The following RPA3 variants were observed in gnomAD, a reference collection of about 807,000 sequenced individuals.
RPA3 encodes replication protein A3.
RPA3 carries 24 observed loss-of-function variants against 13.7 expected under a neutral mutation model. That is an observed-to-expected ratio of 1.75 (90% CI 1.27 to 2.46). RPA3 has a LOEUF of 2.46. Among genes scored for constraint, RPA3 ranks in the 30% most tolerant of loss-of-function variants. The pLI is 0.00. For missense variants in RPA3, 183 were observed against 151.0 expected, an observed-to-expected ratio of 1.21 and a Z score of -1.11; for synonymous variants, 59 against 51.2, an observed-to-expected ratio of 1.15 and a Z score of -0.65.
chr7:7,643,200 G>C (rs1371980339), intron 4 of RPA3, among the ~76,000 whole-genome samples: 1 of 152,124 alleles, frequency 6.6e-6, no homozygotes, highest in African/African-American at 2.4e-5. Context: ...ATTGAATGTA[G>C]ACCCGAGGGA....
intron 2 of RPA3, among the ~76,000 whole-genome samples, chr7:7,711,609 G>T (rs549219616): frequency 3.4e-4 from 52 of 152,114 alleles, no homozygotes; most frequent in Non-Finnish European, 5.7e-4. Flanking sequence ...AATGGAATTG[G>T]ACATTTTTAT....
intron 4 of RPA3, among the ~76,000 whole-genome samples, chr7:7,655,320 T>G (rs1785315860): frequency 6.6e-6 from 1 of 152,216 alleles, no homozygotes; most frequent in Admixed American, 6.5e-5. Flanking sequence ...TCCACGTGTC[T>G]CATTTGGAAA....
intron 2 of RPA3, among the ~76,000 whole-genome samples, chr7:7,713,567 T>A (rs1317601637): frequency 6.6e-6 from 1 of 152,114 alleles, no homozygotes; most frequent in African/African-American, 2.4e-5. Flanking sequence ...TCTTTTGCAT[T>A]TTATTTTCTG....
In RPA3 at chr7:7,640,483, G is replaced by T. The variant is rs939464602; in HGVS notation, c.-65C>A. ...ACGACTGAAACTGTGCGCCCCGCGG[G>T]TGTCTATGGGGCAGATTTCTCGGCA... On this transcript the variant is annotated 5_prime_UTR_variant, in exon 5 of 8. Transcript: ENST00000223129. 7.5e-6 allele frequency: 11 copies of T among 1,464,432 alleles called. No individual in the cohort carries two copies. Among genetic ancestry groups the T allele is most frequent in the Non-Finnish European group, 9.5e-6 (10 of 1,048,096 alleles). The allele number at this position is 1,464,432 out of a possible 1,614,324, so 90.7% of individuals were successfully genotyped here. A position where few individuals can be genotyped will look rare whatever the true frequency, so the allele number is the denominator to read the frequency against.
At chr7:7,656,823 T>C (rs1785355283) in intron 4 of RPA3, among the ~76,000 whole-genome samples, 2 of 152,234 alleles carry the variant, frequency 1.3e-5, no homozygotes, top group African/African-American at 4.8e-5. Context: ...CCTTTGGGTA[T>C]ATACCCAGTA....
chr7:7,673,373 T>C (rs769931112), intron 4 of RPA3: 39 of 1,147,466 alleles, frequency 3.4e-5, no homozygotes, highest in Non-Finnish European at 3.4e-5. Context: ...GCAGCAGCAA[T>C]GTTTCACTTC....
intron 4 of RPA3, among the ~76,000 whole-genome samples, chr7:7,672,641 G>A (rs1420641637): frequency 6.6e-6 from 1 of 152,112 alleles, no homozygotes; most frequent in African/African-American, 2.4e-5. Context: ...TTTATAAGGG[G>A]CTTGGCACTC....
At chr7:7,715,274 C>A (rs1316336326) in intron 1 of RPA3, 48 bp from the exon 2 acceptor site, 1 of 152,074 alleles carries the variant, frequency 6.6e-6, no homozygotes, top group Non-Finnish European at 1.5e-5. Flanking sequence ...AAAGTTTTCA[C>A]CAGATTTATG....
chr7:7,653,359 G>T (rs1785270252), intron 4 of RPA3, among the ~76,000 whole-genome samples: 1 of 152,162 alleles, frequency 6.6e-6, no homozygotes, highest in Non-Finnish European at 1.5e-5. Flanking sequence ...GTCAGTGATT[G>T]AGATCCAAAT....
chr7:7,641,675 G>C (rs1253434711), intron 4 of RPA3: 2 of 152,170 alleles, frequency 1.3e-5, no homozygotes, highest in Non-Finnish European at 2.9e-5. Context: ...GAGTATTCTA[G>C]AATGAGTGCA....
At chr7:7,694,787 T>C (rs1319880159) in intron 2 of RPA3, among the ~76,000 whole-genome samples, 4 of 152,222 alleles carry the variant, frequency 2.6e-5, no homozygotes, top group African/African-American at 9.6e-5. Flanking sequence ...CATTCATCTT[T>C]TGATAGATAC....
At chr7:7,706,809 A>G (rs1780613082) in intron 2 of RPA3, among the ~76,000 whole-genome samples, 1 of 152,152 alleles carries the variant, frequency 6.6e-6, no homozygotes, top group Non-Finnish European at 1.5e-5. Flanking sequence ...CGTATGTTCT[A>G]CATCCTATCT....
chr7:7,667,908 TA>T (rs965338255), intron 4 of RPA3, among the ~76,000 whole-genome samples: 107 of 152,290 alleles, frequency 7.0e-4, no homozygotes, highest in African/African-American at 2.6e-3. Flanking sequence ...GACCAATACT[TA>T]ACCTAGTTTT....
chr7:7,643,581 G>A (rs948966175), intron 4 of RPA3, among the ~76,000 whole-genome samples: 4 of 152,052 alleles, frequency 2.6e-5, no homozygotes, highest in African/African-American at 7.2e-5. Flanking sequence ...GCGCGATGGC[G>A]GGGGCCTGTA....
intron 4 of RPA3, chr7:7,675,958 C>A: frequency 2.6e-6 from 1 of 390,942 alleles, no homozygotes; most frequent in East Asian, 3.6e-5. Flanking sequence ...TCACCATTTT[C>A]ATAAAATCCT....
intron 7 of RPA3, among the ~76,000 whole-genome samples, chr7:7,637,299 C>T (rs930707928): frequency 6.6e-5 from 10 of 152,094 alleles, no homozygotes; most frequent in Non-Finnish European, 8.8e-5. Context: ...CAGGCAGTTT[C>T]TGCCTGGTAG....
chr7:7,638,099 T>G, intron 6 of RPA3, 127 bp from the exon 7 acceptor site: 1 of 575,534 alleles, frequency 1.7e-6, no homozygotes, highest in Non-Finnish European at 3.0e-6. Context: ...GAATTACCAG[T>G]GTAAAAGTTA....
chr7:7,681,572 C>G lies in RPA3; in HGVS notation c.-758+4258G>C, dbSNP rs548310202. 1.1e-4 allele frequency among the ~76,000 whole-genome samples: 16 copies of G among 152,222 alleles called. No individual in the cohort carries two copies. In the South Asian group the frequency reaches 3.1e-3, roughly 30 times the overall value. Reference sequence around the variant, plus strand: ...TTCCCTTGTAACCAGTTCCTATTCACGTAAGAAGGTAATAGCTATTCCTTC... The same window carrying G: ...TTCCCTTGTAACCAGTTCCTATTCAGGTAAGAAGGTAATAGCTATTCCTTC... On this transcript the variant is annotated intron_variant, in intron 4 of 7. Transcript: ENST00000223129.
intron 2 of RPA3, among the ~76,000 whole-genome samples, chr7:7,712,286 A>G (rs181699621): frequency 6.6e-6 from 1 of 152,268 alleles, no homozygotes; most frequent in African/African-American, 2.4e-5. Context: ...TTTATTGAAC[A>G]TATAGATTAA....
Sources: gnomAD v4.1 joint callset for allele counts (sites outside exome capture counted in the v4.1 genomes callset) on GRCh38, gnomAD v4.1.1 for gene constraint, MANE v1.5 for transcripts, NCBI Gene and HGNC (gene_info 2026-07-23, HGNC 2026-07-21) for gene names.